The following NRXN1 variants were observed in gnomAD, a reference collection of about 807,000 sequenced individuals.
NRXN1 encodes the protein neurexin-1.
NRXN1 carries 39 observed loss-of-function variants against 150.9 expected under a neutral mutation model. The ratio of observed to expected loss-of-function variants is 0.26; its 90% CI spans 0.20 to 0.34. The LOEUF (loss-of-function observed/expected upper bound fraction) is 0.34, where lower values mean the gene tolerates loss of function less well. Among genes scored for constraint, NRXN1 ranks in the 10% least tolerant of loss-of-function variants. The pLI is 1.00. For synonymous variants in NRXN1, 924 were observed against 757.0 expected (o/e 1.22, Z -3.62); for missense variants, 1,815 against 1,949.9 (o/e 0.93, Z 1.30).
intron 17 of NRXN1, among the ~76,000 whole-genome samples, chr2:50,248,068 G>A (rs2066675345): frequency 6.6e-6 from 1 of 152,078 alleles, no homozygotes; most frequent in Non-Finnish European, 1.5e-5. Flanking sequence ...CTGGAGTTCA[G>A]TGGCTCAAAC....
intron 17 of NRXN1, among the ~76,000 whole-genome samples, chr2:50,285,141 C>T (rs1366073442): frequency 2.0e-5 from 3 of 152,162 alleles, no homozygotes; most frequent in East Asian, 1.9e-4. Context: ...AAAATTCTAA[C>T]GAGCACCTTC....
chr2:50,934,220 T>C (rs932910713), intron 2 of NRXN1, among the ~76,000 whole-genome samples: 4 of 152,066 alleles, frequency 2.6e-5, no homozygotes, highest in Non-Finnish European at 5.9e-5. Flanking sequence ...TTTTTCTCAA[T>C]AAAAATATTT....
At chr2:50,235,857 A>G (rs2065365481) in intron 18 of NRXN1, among the ~76,000 whole-genome samples, 1 of 152,108 alleles carries the variant, frequency 6.6e-6, no homozygotes, top group Non-Finnish European at 1.5e-5. Flanking sequence ...TCCAAAAGAT[A>G]GACTTTAGAC....
At chr2:50,239,460 C>T (rs1042108978) in intron 17 of NRXN1, among the ~76,000 whole-genome samples, 1 of 145,152 alleles carries the variant, frequency 6.9e-6, no homozygotes, top group Non-Finnish European at 1.5e-5. Context: ...TATAAAACAA[C>T]ATTGCATATT....
At chr2:49,985,246 T>C (rs1680701591) in intron 21 of NRXN1, among the ~76,000 whole-genome samples, 1 of 152,154 alleles carries the variant, frequency 6.6e-6, no homozygotes, top group Non-Finnish European at 1.5e-5. Flanking sequence ...CCTTATTAAC[T>C]ATTAAGATGA....
chr2:50,473,572 T>G (rs1253469005), intron 15 of NRXN1, among the ~76,000 whole-genome samples: 1 of 152,048 alleles, frequency 6.6e-6, no homozygotes. Flanking sequence ...TTTATCTACT[T>G]CTTCAACTTT....
chr2:50,423,008 G>A (rs566772325), intron 17 of NRXN1, among the ~76,000 whole-genome samples: 10 of 152,160 alleles, frequency 6.6e-5, no homozygotes, highest in Non-Finnish European at 1.0e-4. Context: ...AAAACCCAAA[G>A]CCTTGAATTC....
At chr2:50,017,927 C>A (rs1686923040) in intron 21 of NRXN1, among the ~76,000 whole-genome samples, 1 of 152,024 alleles carries the variant, frequency 6.6e-6, no homozygotes, top group South Asian at 2.1e-4. Context: ...AGGATCTTTT[C>A]CCAGAATGTT....
chr2:50,277,996 A>T (rs971390232), intron 17 of NRXN1, among the ~76,000 whole-genome samples: 5 of 151,026 alleles, frequency 3.3e-5, no homozygotes, highest in Admixed American at 2.0e-4. Context: ...ATATAACTCA[A>T]AACATCCAAC....
chr2:50,623,230 C>T, intron 6 of NRXN1, 84 bp downstream of exon 6: 1 of 1,075,864 alleles, frequency 9.3e-7, no homozygotes, highest in Non-Finnish European at 1.4e-6. Context: ...AGCCCTGTAT[C>T]ATGTTGTTAG....
At chr2:50,581,809 A>G (rs893377161) in intron 8 of NRXN1, among the ~76,000 whole-genome samples, 4 of 152,166 alleles carry the variant, frequency 2.6e-5, no homozygotes, top group African/African-American at 9.7e-5. Context: ...TAAGAGCTCA[A>G]ATAAAGTAAC....
chr2:50,981,069 T>C (rs559455787), intron 2 of NRXN1, among the ~76,000 whole-genome samples: 1 of 152,208 alleles, frequency 6.6e-6, no homozygotes, highest in South Asian at 2.1e-4. Flanking sequence ...TGTGATCACC[T>C]ATAATGTAAG....
At chr2:50,905,564 T>C (rs752836345) in intron 5 of NRXN1, among the ~76,000 whole-genome samples, 4 of 152,116 alleles carry the variant, frequency 2.6e-5, no homozygotes, top group Non-Finnish European at 5.9e-5. Context: ...CATCCCTCAC[T>C]ATAATCATGC....
chr2:50,502,443 TAC>T (rs34489394), intron 13 of NRXN1, among the ~76,000 whole-genome samples: 2 of 151,232 alleles, frequency 1.3e-5, no homozygotes, highest in African/African-American at 4.8e-5. Flanking sequence ...AGGGAATAAA[TAC>T]ACACACACAC....
chr2:50,722,403 A>G (rs1184495126), intron 5 of NRXN1, among the ~76,000 whole-genome samples: 1 of 152,168 alleles, frequency 6.6e-6, no homozygotes, highest in East Asian at 1.9e-4. Flanking sequence ...GCAATAAAAT[A>G]TTGGTCAGGT....
At chr2:50,272,111 G>C (rs981504281) in intron 17 of NRXN1, among the ~76,000 whole-genome samples, 4 of 152,178 alleles carry the variant, frequency 2.6e-5, no homozygotes, top group African/African-American at 9.7e-5. Flanking sequence ...TTGGGGAGCA[G>C]GTCTGACTCA....
intron 13 of NRXN1, among the ~76,000 whole-genome samples, chr2:50,506,018 G>A (rs2092203782): frequency 6.6e-6 from 1 of 152,084 alleles, no homozygotes. Context: ...CAACTGAGCT[G>A]AGTGGCCAAA....
At chr2:50,432,799 C>T (rs1484230562) in intron 17 of NRXN1, among the ~76,000 whole-genome samples, 1 of 152,224 alleles carries the variant, frequency 6.6e-6, no homozygotes, top group Non-Finnish European at 1.5e-5. Flanking sequence ...GTACAAAATT[C>T]CTGATAGCAT....
At chr2:50,057,799 T>C (rs1693878409) in intron 19 of NRXN1, among the ~76,000 whole-genome samples, 1 of 152,152 alleles carries the variant, frequency 6.6e-6, no homozygotes, top group Non-Finnish European at 1.5e-5. Flanking sequence ...CACTTGTAGC[T>C]AAGCCTCCCT....
Sources: allele counts gnomAD v4.1 joint callset (sites outside exome capture counted in the v4.1 genomes callset), GRCh38; gene constraint gnomAD v4.1.1; transcripts MANE v1.5; gene names NCBI Gene and HGNC (gene_info 2026-07-23, HGNC 2026-07-21).